The following AMDHD2 variants were observed in gnomAD, a reference collection of about 807,000 sequenced individuals.
The protein encoded by AMDHD2 is amidohydrolase domain containing 2, also known as N-acetylglucosamine-6-phosphate deacetylase.
A neutral mutation model predicts 41.8 loss-of-function variants in AMDHD2; 24 were observed. That is an observed-to-expected ratio of 0.57 (90% confidence interval 0.42 to 0.81). The LOEUF (loss-of-function observed/expected upper bound fraction) is 0.81, where lower values mean the gene tolerates loss of function less well. Among genes scored for constraint, AMDHD2 ranks in the 30% least tolerant of loss-of-function variants. AMDHD2 has a pLI of 0.00. For missense variants in AMDHD2, 540 were observed against 588.5 expected (o/e 0.92, Z 0.85); for synonymous variants, 332 against 255.5 (o/e 1.30, Z -2.85).
chr16:2,529,042 A>T lies in AMDHD2; in HGVS notation c.1088A>T (p.Gln363Leu). ...ALEAASLHPAQLLGLEKSKGT... is the reference protein window; with the variant it reads ...ALEAASLHPALLLGLEKSKGT... ...GAGGCTGCATCCCTGCACCCCGCCC[A>T]GTTGCTGGGGCTGGAGAAGAGTAAG... Residue 363 changes from glutamine (Q) to leucine (L), a missense_variant, in exon 10 of 11, where the codon CAG (glutamine) becomes CTG (leucine). By Grantham distance (113) the Gln-to-Leu change is moderately radical. Coordinates refer to ENST00000293971, the MANE Select transcript of AMDHD2 (RefSeq NM_001330449.2). The T allele has an allele frequency of 6.3e-7, 1 of 1,599,834 alleles. No individual in the cohort carries two copies. Among genetic ancestry groups the T allele is most frequent in the Admixed American group, 1.7e-5 (1 of 57,800 alleles).
Position 2,531,263 on chromosome 16 carries a change from G to C in AMDHD2, c.*1700G>C, listed in dbSNP as rs28639395. 6.1e-3 allele frequency: 4,218 copies of C among 688,346 alleles called. 130 individuals carry two copies. The African/African-American group carries it at 0.066, about 11-fold the overall frequency. The allele number at this position is 688,346 out of a possible 1,614,324, so 42.6% of individuals were successfully genotyped here. A position where few individuals can be genotyped will look rare whatever the true frequency, so the allele number is the denominator to read the frequency against. On this transcript the variant is annotated 3_prime_UTR_variant, in exon 11 of 11. Coordinates refer to ENST00000293971, the MANE Select transcript of AMDHD2 (RefSeq NM_001330449.2). Reference sequence around the variant, plus strand: ...TGGTTGGTCCACAGGGCTAGCCCTGGGTGGTGGGAGAGGGGCCCAGGGTCA... The same window carrying C: ...TGGTTGGTCCACAGGGCTAGCCCTGCGTGGTGGGAGAGGGGCCCAGGGTCA...
At chr16:2,529,221 C>A in intron 10 of AMDHD2, 126 bp downstream of exon 10, 1 of 1,105,764 alleles carries the variant, frequency 9.0e-7, no homozygotes, top group Non-Finnish European at 1.3e-6. Flanking sequence ...AGGTGGGCTG[C>A]CGGCTGCCAG....
Position 2,530,584 on chromosome 16 carries a change from G to T in AMDHD2, c.*1021G>T, listed in dbSNP as rs1252417352. ...TGGCTCCCTTCCCCCTTGCTTACAGGTGCTGTCCTGGGCACAGGAGGTACG... is the reference window on the plus strand; with the variant it reads ...TGGCTCCCTTCCCCCTTGCTTACAGTTGCTGTCCTGGGCACAGGAGGTACG... On this transcript the variant is annotated 3_prime_UTR_variant, in exon 11 of 11. Coordinates refer to ENST00000293971, the MANE Select transcript of AMDHD2 (RefSeq NM_001330449.2). The T allele has an allele frequency of 1.9e-6, 3 of 1,614,046 alleles. No homozygotes were observed. Among genetic ancestry groups the T allele is most frequent in the African/African-American group, 1.3e-5 (1 of 74,916 alleles).
rs1204240629 is a variant in AMDHD2, at chr16:2,529,636, T to C, written c.*73T>C. The C allele has an allele frequency of 6.3e-7, 1 of 1,593,380 alleles. No homozygotes were observed. Among genetic ancestry groups the C allele is most frequent in the Non-Finnish European group, 8.5e-7 (1 of 1,176,262 alleles). The stretch of plus-strand genomic sequence containing the variant: ...GGGCCGGGTGGTTGGGGAGCTGGTC[T>C]CCAGGGAGTGAGTCGGGAGCCCTGC... On this transcript the variant is annotated 3_prime_UTR_variant, in exon 11 of 11. Coordinates refer to ENST00000293971, the MANE Select transcript of AMDHD2 (RefSeq NM_001330449.2).
chr16:2,525,453 G>A (rs1040895255), intron 3 of AMDHD2, among the ~76,000 whole-genome samples: 10 of 150,436 alleles, frequency 6.6e-5, no homozygotes, highest in Non-Finnish European at 1.2e-4. Flanking sequence ...TGCAACCTCT[G>A]CCTCCTGGGT....
intron 3 of AMDHD2, among the ~76,000 whole-genome samples, chr16:2,521,943 C>T (rs2065945143): frequency 6.6e-6 from 1 of 152,074 alleles, no homozygotes; most frequent in Admixed American, 6.5e-5. Context: ...CGCCACCTCG[C>T]CCGGCTAATT....
intron 3 of AMDHD2, 119 bp downstream of exon 3, chr16:2,521,242 C>G: frequency 7.6e-7 from 1 of 1,307,990 alleles, no homozygotes. Flanking sequence ...TGAGTCTGGC[C>G]TCCTTTGATG....
rs540841941 is a variant in AMDHD2 at position 2,531,315 on chromosome 16, C to T, written c.*1752C>T. The T allele has an allele frequency of 1.8e-6, 1 of 546,156 alleles. No individual in the cohort carries two copies. Among genetic ancestry groups the T allele is most frequent in the Non-Finnish European group, 3.3e-6 (1 of 300,016 alleles). 33.8% of individuals were successfully genotyped at this position (546,156 alleles called of 1,614,324 possible). ...GGTGAGAGAGAGCTGGGCCAGGGAG[C>T]TGCTGCAGGATGATTTTGAGGTGTG... On this transcript the variant is annotated 3_prime_UTR_variant, in exon 11 of 11. Transcript: ENST00000293971.
chr16:2,522,153 A>G (rs1243486929), intron 3 of AMDHD2, among the ~76,000 whole-genome samples: 1 of 152,098 alleles, frequency 6.6e-6, no homozygotes, highest in East Asian at 1.9e-4. Flanking sequence ...GTGTGGTCAT[A>G]GCCCATTGCA....
rs939345354 is a variant in AMDHD2 at position 2,531,382 on chromosome 16, T to C, written c.*1819T>C. ...TTGGTTTTGGTTTGCTTTTTAAAAA[T>C]TGTGGTAAAATACATAACAAAAGTA... On this transcript the variant is annotated 3_prime_UTR_variant, in exon 11 of 11. Coordinates refer to ENST00000293971, the MANE Select transcript of AMDHD2 (RefSeq NM_001330449.2). 8 of 504,222 alleles carry C rather than the reference T, an allele frequency of 1.6e-5. No individual in the cohort carries two copies. The highest frequency in any genetic ancestry group is 9.5e-5 in the African/African-American group (5 of 52,454). 31.2% of individuals were successfully genotyped at this position (504,222 alleles called of 1,614,324 possible).
At chr16:2,522,906 C>T (rs1356209727) in intron 3 of AMDHD2, among the ~76,000 whole-genome samples, 4 of 147,594 alleles carry the variant, frequency 2.7e-5, no homozygotes, top group Admixed American at 6.8e-5. Context: ...TGCAGTGGTG[C>T]GATCTCGGCT....
chr16:2,529,680 C>G lies in AMDHD2; in HGVS notation c.*117C>G, dbSNP rs367960426. 1,247 of 1,528,364 alleles carry G rather than the reference C, an allele frequency of 8.2e-4. 29 individuals are homozygous for G. The East Asian group carries it at 0.027, about 33-fold the overall frequency. The allele number at this position is 1,528,364 out of a possible 1,614,324, so 94.7% of individuals were successfully genotyped here. A position where few individuals can be genotyped will look rare whatever the true frequency, so the allele number is the denominator to read the frequency against. On this transcript the variant is annotated 3_prime_UTR_variant, in exon 11 of 11. Coordinates refer to ENST00000293971, the MANE Select transcript of AMDHD2 (RefSeq NM_001330449.2). ...GCCCTGCTGGATTGATGCCCAGGGC[C>G]TGTGCGGCCGCCCTGGAGGCGGTGG...
intron 9 of AMDHD2, 21 bp from the exon 10 acceptor site, chr16:2,528,973 C>G (rs756037050): frequency 6.4e-7 from 1 of 1,560,782 alleles, no homozygotes; most frequent in South Asian, 1.2e-5. Context: ...GGACTGTCAC[C>G]TAGCTGTGTC....
At chr16:2,525,555 AT>A (rs1268229089) in intron 3 of AMDHD2, among the ~76,000 whole-genome samples, 1 of 148,422 alleles carries the variant, frequency 6.7e-6, no homozygotes, top group African/African-American at 2.5e-5. Context: ...TTATTTATTT[AT>A]TTTTTTGAGA....
At chr16:2,522,670 C>T (rs1369238401) in intron 3 of AMDHD2, among the ~76,000 whole-genome samples, 2 of 151,298 alleles carry the variant, frequency 1.3e-5, no homozygotes, top group African/African-American at 4.9e-5. Context: ...GATCGAGACT[C>T]CATCTCAAAA....
chr16:2,525,693 C>T (rs2065995060), intron 3 of AMDHD2, among the ~76,000 whole-genome samples: 1 of 152,272 alleles, frequency 6.6e-6, no homozygotes. Flanking sequence ...TACAGGTGCT[C>T]GCCACCACGC....
intron 3 of AMDHD2, among the ~76,000 whole-genome samples, chr16:2,524,449 G>A (rs976753461): frequency 7.2e-5 from 11 of 152,146 alleles, no homozygotes; most frequent in African/African-American, 1.9e-4. Flanking sequence ...TGACCTTTCC[G>A]GCTGTTTACC....
At chr16:2,525,446 A>G (rs745732002) in intron 3 of AMDHD2, among the ~76,000 whole-genome samples, 54 of 150,354 alleles carry the variant, frequency 3.6e-4, no homozygotes, top group Non-Finnish European at 6.9e-4. Context: ...GGCTTACTGC[A>G]ACCTCTGCCT....
Position 2,528,995 on chromosome 16 carries a change from C to G in AMDHD2, c.1041C>G (p.Gly347=). 1 of 1,575,974 alleles carries G rather than the reference C, an allele frequency of 6.3e-7. No homozygotes were observed. ...CACCTAGCTGTGTCCCCCAAGCAGG[C>G]TGCAGCATGGAGTCGGCCCTGGAGG... The part of the protein sequence containing the change: ...VCVRHFLQAT[G]CSMESALEAA... Residue 347 remains glycine, a splice_region_variant and synonymous_variant, in exon 10 of 11, where the codon GGC becomes GGG. Coordinates refer to ENST00000293971, the MANE Select transcript of AMDHD2 (RefSeq NM_001330449.2).
Sources: allele counts gnomAD v4.1 joint callset (sites outside exome capture counted in the v4.1 genomes callset), GRCh38; gene constraint gnomAD v4.1.1; transcripts MANE v1.5; gene names NCBI Gene and HGNC (gene_info 2026-07-23, HGNC 2026-07-21).